ZNF442: variants seen among roughly 807,000 people sequenced by gnomAD.
The protein encoded by ZNF442 is zinc finger protein 442.
A neutral mutation model predicts 57.0 loss-of-function variants in ZNF442; 45 were observed. The ratio of observed to expected loss-of-function variants is 0.79; its 90% CI spans 0.62 to 1.01. ZNF442 has a LOEUF of 1.01. Among genes scored for constraint, ZNF442 ranks in the 50% least tolerant of loss-of-function variants. The pLI is 0.00. For synonymous variants in ZNF442, 213 were observed against 241.8 expected, an observed-to-expected ratio of 0.88 and a Z score of 1.10; for missense variants, 690 against 756.5, an observed-to-expected ratio of 0.91 and a Z score of 1.03.
At chr19:12,364,676 G>A (rs1039132365) in intron 2 of ZNF442, 126 bp downstream of exon 2, 4 of 152,296 alleles carry the variant, frequency 2.6e-5, no homozygotes, top group East Asian at 1.9e-4. Context: ...TGAAAAACTC[G>A]AAGAGGAATC....
chr19:12,366,151 T>C (rs758296433), upstream of ZNF442, among the ~76,000 whole-genome samples: 18 of 152,168 alleles, frequency 1.2e-4, no homozygotes, highest in Non-Finnish European at 2.2e-4. Context: ...TTCTCCCACC[T>C]TATCTCCCAA....
At chr19:12,355,955 G>A (rs1969321382) in intron 3 of ZNF442, among the ~76,000 whole-genome samples, 1 of 151,968 alleles carries the variant, frequency 6.6e-6, no homozygotes, top group South Asian at 2.1e-4. Flanking sequence ...GAGCCTGGAT[G>A]ACATCACTGT....
upstream of ZNF442, among the ~76,000 whole-genome samples, chr19:12,368,282 T>TTAAAG (rs1430255108): frequency 2.0e-5 from 3 of 152,192 alleles, no homozygotes; most frequent in Admixed American, 6.5e-5. Context: ...GATTAAGAGA[T>TTAAAG]TAAAGTAAGA....
At chr19:12,351,461 G>T in intron 5 of ZNF442, 143 bp from the exon 6 acceptor site, 1 of 750,058 alleles carries the variant, frequency 1.3e-6, no homozygotes, top group South Asian at 2.0e-5. Context: ...ACTGAATGTT[G>T]TACAAGATAA....
intron 3 of ZNF442, among the ~76,000 whole-genome samples, chr19:12,354,583 A>AG (rs1969294557): frequency 6.7e-6 from 1 of 148,624 alleles, no homozygotes; most frequent in East Asian, 2.0e-4. Flanking sequence ...TTTTTTTTGG[A>AG]GGGGGGAGAC....
At position 12,350,443 on chromosome 19, in the gene ZNF442, T is replaced by C; in HGVS notation, c.1142A>G (p.Gln381Arg). 3 of 1,613,990 alleles carry C rather than the reference T, an allele frequency of 1.9e-6. No homozygotes were observed. The highest frequency in any genetic ancestry group is 2.5e-6 in the Non-Finnish European group (3 of 1,179,942). Reference protein sequence around the residue: ...HTGEKPYECKQCGKALSHHSS... With the variant: ...HTGEKPYECKRCGKALSHHSS... ...GTGATGAGATAACGCTTTCCCACACTGCTTGCATTCATAGGGTTTCTCTCC... is the reference window on the plus strand; with the variant it reads ...GTGATGAGATAACGCTTTCCCACACCGCTTGCATTCATAGGGTTTCTCTCC... The change falls in exon 6 of 6, where the codon CAG (glutamine) becomes CGG (arginine). Residue 381 changes from glutamine (Q) to arginine (R), a missense_variant. Gln to Arg is a conservative substitution (Grantham distance 43, BLOSUM62 1). Transcript: ENST00000242804.
At chr19:12,366,642 T>C (rs1352739047), upstream of ZNF442, among the ~76,000 whole-genome samples, 4 of 152,138 alleles carry the variant, frequency 2.6e-5, no homozygotes, top group African/African-American at 9.7e-5. Flanking sequence ...TTTATTTTAT[T>C]TTTTTGGAGA....
chr19:12,357,506 C>T (rs1969353634), intron 3 of ZNF442, among the ~76,000 whole-genome samples: 1 of 152,000 alleles, frequency 6.6e-6, no homozygotes, highest in Non-Finnish European at 1.5e-5. Context: ...TGCCCATCAC[C>T]ATGCCCAGCT....
intron 3 of ZNF442, among the ~76,000 whole-genome samples, chr19:12,358,345 T>C (rs1969368944): frequency 1.3e-5 from 2 of 152,182 alleles, no homozygotes; most frequent in Admixed American, 6.5e-5. Flanking sequence ...TGCCTCCCAA[T>C]CCATCCTTGC....
chr19:12,370,526 C>T (rs1049301264), upstream of ZNF442, among the ~76,000 whole-genome samples: 1 of 152,064 alleles, frequency 6.6e-6, no homozygotes, highest in Non-Finnish European at 1.5e-5. Flanking sequence ...AACAAGGGGT[C>T]ACTGGTTCTG....
the ZNF442 span, chr19:12,373,575 C>T: frequency 6.5e-5 from 12 of 185,128 alleles, no homozygotes; most frequent in South Asian, 8.3e-4. Context: ...TTTACCTGAG[C>T]GCAAGATGGG....
At chr19:12,367,945 G>A (rs538951222), upstream of ZNF442, among the ~76,000 whole-genome samples, 27 of 152,288 alleles carry the variant, frequency 1.8e-4, no homozygotes, top group Admixed American at 1.6e-3. Context: ...TGGGATTACA[G>A]GCATGAGCCA....
chr19:12,363,285 G>A (rs1003753857), intron 3 of ZNF442, among the ~76,000 whole-genome samples: 2 of 151,444 alleles, frequency 1.3e-5, no homozygotes, highest in Admixed American at 6.6e-5. Flanking sequence ...TTAATAAAAC[G>A]TTGAAGCTGA....
chr19:12,358,153 C>T (rs1454065920), intron 3 of ZNF442, among the ~76,000 whole-genome samples: 1 of 151,958 alleles, frequency 6.6e-6, no homozygotes, highest in Non-Finnish European at 1.5e-5. Context: ...TTAGTAGAGA[C>T]GGGGTTTCAC....
chr19:12,363,526 T>G, intron 3 of ZNF442, 28 bp downstream of exon 3: 3 of 1,610,222 alleles, frequency 1.9e-6, no homozygotes, highest in Non-Finnish European at 2.6e-6. Flanking sequence ...CTTGCACAAC[T>G]GGAATGAGTG....
chr19:12,366,757 A>G (rs1202013181), upstream of ZNF442, among the ~76,000 whole-genome samples: 2 of 152,140 alleles, frequency 1.3e-5, no homozygotes, highest in Non-Finnish European at 2.9e-5. Flanking sequence ...CAGCCTCCCG[A>G]GTAGCACACT....
the ZNF442 span, among the ~76,000 whole-genome samples, chr19:12,371,693 G>A: frequency 1.3e-5 from 2 of 152,236 alleles, no homozygotes; most frequent in African/African-American, 4.8e-5. Flanking sequence ...TCAAGCAATG[G>A]GGAAAAGACT....
In ZNF442 at chr19:12,363,560, T is replaced by C; in HGVS notation, c.72A>G (p.Lys24=). The C allele has an allele frequency of 6.2e-7, 1 of 1,614,142 alleles. No homozygotes were observed. Among genetic ancestry groups the C allele is most frequent in the Non-Finnish European group, 8.5e-7 (1 of 1,179,988 alleles). ...TGGGTTCTCCAGTGCTTACATATTG[T>C]TTTCTCTCTTCATTAGTCTGAGAGT... is the stretch of plus-strand genomic sequence containing the variant. ...LPDSQTNEER[K]QYDSVAFEDV... The change falls in exon 3 of 6, where the codon AAA becomes AAG. Residue 24 remains lysine (K), a synonymous_variant. Coordinates refer to ENST00000242804, the MANE Select transcript of ZNF442 (RefSeq NM_030824.3).
Position 12,347,397 on chromosome 19 carries a change from G to A in ZNF442, c.*2304C>T, listed in dbSNP as rs1483808931. The A allele has an allele frequency of 6.6e-6, 1 of 152,140 alleles. No homozygotes were observed. Among genetic ancestry groups the A allele is most frequent in the African/African-American group, 2.4e-5 (1 of 41,428 alleles). The allele number at this position is 152,140 out of a possible 1,614,324, so 9.4% of individuals were successfully genotyped here. A position where few individuals can be genotyped will look rare whatever the true frequency, so the allele number is the denominator to read the frequency against. ...GTGTTGGAAACCATTATGGAGTGAG[G>A]AAGTCAATGATTTCAGGAGCTTCTC... is the stretch of plus-strand genomic sequence containing the variant. On this transcript the variant is annotated 3_prime_UTR_variant, in exon 6 of 6. Coordinates refer to ENST00000242804, the MANE Select transcript of ZNF442 (RefSeq NM_030824.3).
Sources: gnomAD v4.1 joint callset for allele counts (sites outside exome capture counted in the v4.1 genomes callset) on GRCh38, gnomAD v4.1.1 for gene constraint, MANE v1.5 for transcripts, NCBI Gene and HGNC (gene_info 2026-07-23, HGNC 2026-07-21) for gene names.